Variants in KCNJ6 observed in about 807,000 individuals in gnomAD.
KCNJ6 encodes potassium inwardly rectifying channel subfamily J member 6, also known as G protein-activated inward rectifier potassium channel 2.
A neutral mutation model predicts 34.2 loss-of-function variants in KCNJ6; 9 were observed. The observed-to-expected ratio is 0.26, with a 90% confidence interval of 0.16 to 0.46. KCNJ6 has a LOEUF of 0.46. Ranked by LOEUF, KCNJ6 falls within the 20% of genes least tolerant of loss-of-function variation. KCNJ6 has a pLI of 1.00. For synonymous variants in KCNJ6, 196 were observed against 207.1 expected (o/e 0.95, Z 0.46); for missense variants, 236 against 531.3 (o/e 0.44, Z 5.46).
chr21:37,761,115 C>T (rs1171986539), intron 2 of KCNJ6, among the ~76,000 whole-genome samples: 1 of 151,634 alleles, frequency 6.6e-6, no homozygotes, highest in African/African-American at 2.4e-5. Context: ...TGTGTGTGTG[C>T]TATGTGCTGT....
chr21:37,784,671 C>T (rs897876638), intron 2 of KCNJ6, among the ~76,000 whole-genome samples: 1 of 152,038 alleles, frequency 6.6e-6, no homozygotes, highest in South Asian at 2.1e-4. Flanking sequence ...CTCTCTCTTA[C>T]CACCCCTCTG....
chr21:37,764,382 A>C (rs924457937), intron 2 of KCNJ6, among the ~76,000 whole-genome samples: 1 of 95,404 alleles, frequency 1.0e-5, no homozygotes, highest in Non-Finnish European at 2.1e-5. Flanking sequence ...GAAGATATTT[A>C]CTTTTTTTTT....
At chr21:37,877,996 A>C (rs1043170358) in intron 1 of KCNJ6, among the ~76,000 whole-genome samples, 1 of 152,240 alleles carries the variant, frequency 6.6e-6, no homozygotes, top group Non-Finnish European at 1.5e-5. Flanking sequence ...GTGTATGTCA[A>C]AGAAATGACT....
intron 3 of KCNJ6, among the ~76,000 whole-genome samples, chr21:37,688,410 C>A (rs2054625110): frequency 6.6e-6 from 1 of 151,322 alleles, no homozygotes; most frequent in Non-Finnish European, 1.5e-5. Context: ...AGATTCTATG[C>A]TATGTTTTTT....
intron 3 of KCNJ6, among the ~76,000 whole-genome samples, chr21:37,633,399 C>A (rs1437068246): frequency 1.3e-5 from 2 of 152,024 alleles, no homozygotes; most frequent in Non-Finnish European, 2.9e-5. Flanking sequence ...AAAGTCAGGA[C>A]CAGTGATTTT....
At chr21:37,864,871 CTTT>C (rs67735635) in intron 1 of KCNJ6, among the ~76,000 whole-genome samples, 15 of 142,774 alleles carry the variant, frequency 1.1e-4, no homozygotes, top group South Asian at 2.2e-4. Flanking sequence ...GTCTCTCTCT[CTTT>C]TTTTTTTTTT....
At chr21:37,645,021 T>G (rs1289678798) in intron 3 of KCNJ6, among the ~76,000 whole-genome samples, 3 of 94,422 alleles carry the variant, frequency 3.2e-5, no homozygotes, top group South Asian at 3.3e-4. Context: ...AGGTGGGTTT[T>G]TTTTTTTTTT....
intron 2 of KCNJ6, among the ~76,000 whole-genome samples, chr21:37,815,384 A>G (rs756832998): frequency 2.0e-5 from 3 of 152,232 alleles, no homozygotes; most frequent in Non-Finnish European, 4.4e-5. Context: ...TGCCTCATAA[A>G]TACATATACC....
chr21:37,751,564 A>C (rs2054995662), intron 2 of KCNJ6, among the ~76,000 whole-genome samples: 1 of 152,272 alleles, frequency 6.6e-6, no homozygotes, highest in Non-Finnish European at 1.5e-5. Context: ...AAGTATGAGC[A>C]GACTGCGAGG....
intron 1 of KCNJ6, among the ~76,000 whole-genome samples, chr21:37,899,098 A>T (rs941687462): frequency 2.6e-4 from 40 of 152,216 alleles, no homozygotes; most frequent in African/African-American, 9.4e-4. Flanking sequence ...CCCTTTAATA[A>T]GTATACTTTT....
intron 1 of KCNJ6, among the ~76,000 whole-genome samples, chr21:37,865,959 A>C (rs2055620536): frequency 6.6e-6 from 1 of 151,856 alleles, no homozygotes; most frequent in African/African-American, 2.4e-5. Flanking sequence ...CCACAAACCA[A>C]ATTTCAACAA....
chr21:37,806,107 T>C (rs1018027165), intron 2 of KCNJ6, among the ~76,000 whole-genome samples: 3 of 152,210 alleles, frequency 2.0e-5, no homozygotes, highest in Non-Finnish European at 4.4e-5. Context: ...TCTGCTTCTA[T>C]GTGATCTGTG....
At chr21:37,844,501 A>AGG (rs2055496987) in intron 1 of KCNJ6, among the ~76,000 whole-genome samples, 1 of 152,026 alleles carries the variant, frequency 6.6e-6, no homozygotes, top group Admixed American at 6.6e-5. Context: ...AAAACCTGAC[A>AGG]TGGCCTCTCC....
chr21:37,879,725 G>GTA (rs1245357785), intron 1 of KCNJ6, among the ~76,000 whole-genome samples: 307 of 145,468 alleles, frequency 2.1e-3, no homozygotes, highest in African/African-American at 6.9e-3. Flanking sequence ...GTGTGTGTGT[G>GTA]TGTGTGTGTG....
chr21:37,787,764 A>C (rs1568848636), intron 2 of KCNJ6, among the ~76,000 whole-genome samples: 1 of 152,244 alleles, frequency 6.6e-6, no homozygotes, highest in Non-Finnish European at 1.5e-5. Context: ...GTCAGTATAC[A>C]AATCTGAAAT....
intron 2 of KCNJ6, among the ~76,000 whole-genome samples, chr21:37,759,827 G>A (rs80289738): frequency 0.053 from 8,113 of 152,270 alleles, 647 homozygotes; most frequent in East Asian, 0.39. Context: ...GCTGGACTTA[G>A]TGATCCCGTT....
intron 3 of KCNJ6, among the ~76,000 whole-genome samples, chr21:37,662,051 CAATTT>C (rs976679246): frequency 3.9e-5 from 6 of 152,068 alleles, no homozygotes; most frequent in African/African-American, 1.2e-4. Flanking sequence ...TAGAAGAAAA[CAATTT>C]AATCCTTGCA....
rs1443757287 is a variant in KCNJ6 at position 37,607,478 on chromosome 21, A to ATT, written c.*17680_*17681insAA. The ATT allele has an allele frequency of 7.5e-5, 10 of 132,800 alleles. No individual in the cohort carries two copies. The highest frequency in any genetic ancestry group is 1.3e-4 in the Non-Finnish European group (8 of 62,484). The allele number at this position is 132,800 out of a possible 1,614,324, so 8.2% of individuals were successfully genotyped here. A position where few individuals can be genotyped will look rare whatever the true frequency, so the allele number is the denominator to read the frequency against. On this transcript the variant is annotated 3_prime_UTR_variant, in exon 4 of 4. Coordinates refer to ENST00000609713, the MANE Select transcript of KCNJ6 (RefSeq NM_002240.5). The stretch of plus-strand genomic sequence containing the variant: ...AGTTCTTAAAGATATATATATATAT[A>ATT]TATATTTTTTTTTTATTTTAAAAAA...
chr21:37,709,867 G>T (rs759968110), intron 3 of KCNJ6, among the ~76,000 whole-genome samples: 2 of 152,216 alleles, frequency 1.3e-5, no homozygotes, highest in Non-Finnish European at 2.9e-5. Context: ...AAGGATGGGT[G>T]ATGGGTTGCC....
Sources: allele counts gnomAD v4.1 joint callset (sites outside exome capture counted in the v4.1 genomes callset), GRCh38; gene constraint gnomAD v4.1.1; transcripts MANE v1.5; gene names NCBI Gene and HGNC (gene_info 2026-07-23, HGNC 2026-07-21).